Variants in NKAIN1 observed in about 807,000 individuals in gnomAD.
NKAIN1 encodes sodium/potassium-transporting ATPase subunit beta-1-interacting protein 1.
A neutral mutation model predicts 31.6 loss-of-function variants in NKAIN1; 13 were observed. The observed-to-expected ratio is 0.41, with a 90% CI of 0.27 to 0.65. NKAIN1 has a LOEUF of 0.65. Ranked by LOEUF, NKAIN1 falls within the 30% of genes least tolerant of loss-of-function variation. The probability of loss-of-function intolerance (pLI) is 0.30; values close to 1 mark genes in which losing one functional copy is unlikely to be tolerated. For synonymous variants in NKAIN1, 104 were observed against 109.0 expected (o/e 0.95, Z 0.28); for missense variants, 193 against 262.2 (o/e 0.74, Z 1.82).
intron 1 of NKAIN1, among the ~76,000 whole-genome samples, chr1:31,197,033 T>C (rs989216685): frequency 2.0e-5 from 3 of 151,988 alleles, no homozygotes; most frequent in African/African-American, 7.2e-5. Context: ...TTTAAAATTA[T>C]ATTTTTCTGC....
intron 1 of NKAIN1, among the ~76,000 whole-genome samples, chr1:31,221,796 C>T (rs1323557197): frequency 1.3e-5 from 2 of 152,180 alleles, no homozygotes; most frequent in South Asian, 2.1e-4. Context: ...TTGAGAAACA[C>T]AGCTTTAGAC....
At chr1:31,209,827 GA>G (rs374466999) in intron 1 of NKAIN1, among the ~76,000 whole-genome samples, 3 of 149,882 alleles carry the variant, frequency 2.0e-5, no homozygotes, top group Admixed American at 6.7e-5. Context: ...TAAAAAGAAA[GA>G]AAAAAAAAGT....
At chr1:31,196,546 G>T (rs1414107608) in intron 1 of NKAIN1, among the ~76,000 whole-genome samples, 1 of 148,176 alleles carries the variant, frequency 6.7e-6, no homozygotes, top group African/African-American at 2.5e-5. Context: ...AATTAGCCGG[G>T]CATGGTGGTG....
chr1:31,203,087 A>G (rs1340579748), intron 1 of NKAIN1, among the ~76,000 whole-genome samples: 1 of 151,562 alleles, frequency 6.6e-6, no homozygotes, highest in African/African-American at 2.4e-5. Context: ...AGCCTGGCCA[A>G]CATGGTGAAA....
chr1:31,198,984 A>C (rs868025032), intron 1 of NKAIN1, among the ~76,000 whole-genome samples: 4 of 152,216 alleles, frequency 2.6e-5, no homozygotes, highest in African/African-American at 7.2e-5. Context: ...CATTGAACCC[A>C]TCAGAAGTCT....
Position 31,183,960 on chromosome 1 carries a change from C to T in NKAIN1, c.328G>A (p.Glu110Lys). 6.2e-7 allele frequency: 1 copy of T among 1,614,092 alleles called. No homozygotes were observed. The highest frequency in any genetic ancestry group is 8.5e-7 in the Non-Finnish European group (1 of 1,180,018). Residue 110 changes from glutamate to lysine, a missense_variant, in exon 4 of 7, where the codon GAG becomes AAG. Transcript: ENST00000373736. ...NTSLHRSWWM[E>K]NGPGCLVTPV... Reference sequence around the variant, plus strand: ...GTCACCAGGCAGCCTGGCCCATTCTCCATCCACCAGGAGCGGTGCAGGGAT... The same window carrying T: ...GTCACCAGGCAGCCTGGCCCATTCTTCATCCACCAGGAGCGGTGCAGGGAT...
In NKAIN1 at chr1:31,181,638, G is replaced by C; in HGVS notation, c.*65C>G. On this transcript the variant is annotated 3_prime_UTR_variant, in exon 7 of 7. Transcript: ENST00000373736. The stretch of plus-strand genomic sequence containing the variant: ...CACCAGGGGGACACGCCTGCGCCTT[G>C]GCCCGAGCTCGCGGCAGCTGCGGTC... 7.0e-7 allele frequency: 1 copy of C among 1,419,166 alleles called. No homozygotes were observed. Among genetic ancestry groups the C allele is most frequent in the Non-Finnish European group, 9.3e-7 (1 of 1,077,546 alleles). 87.9% of individuals were successfully genotyped at this position (1,419,166 alleles called of 1,614,324 possible). A position where few individuals can be genotyped will look rare whatever the true frequency, so the allele number is the denominator to read the frequency against.
chr1:31,202,243 A>C (rs113992914), intron 1 of NKAIN1, among the ~76,000 whole-genome samples: 3,180 of 152,182 alleles, frequency 0.021, 47 homozygotes, highest in Non-Finnish European at 0.032. Flanking sequence ...GGCAGATCCA[A>C]CCCACTGCAC....
In NKAIN1 at chr1:31,239,388, G is replaced by T. The variant is rs984761253; in HGVS notation, c.54+106C>A. 12 of 803,742 alleles carry T rather than the reference G, an allele frequency of 1.5e-5. No homozygotes were observed. Among genetic ancestry groups the T allele is most frequent in the Non-Finnish European group, 1.9e-5 (11 of 581,026 alleles). 49.8% of individuals were successfully genotyped at this position (803,742 alleles called of 1,614,324 possible). A position where few individuals can be genotyped will look rare whatever the true frequency, so the allele number is the denominator to read the frequency against. On this transcript the variant is annotated intron_variant, in intron 1 of 6. Coordinates refer to ENST00000373736, the MANE Select transcript of NKAIN1 (RefSeq NM_024522.3). The surrounding 1 kb of genome is among the most constrained non-coding windows in gnomAD (Gnocchi z 4.8). ...CAGACCACCCCCCGCCCGGGCACAC[G>T]CACCAGACACACACACAGAGACACA...
chr1:31,231,772 C>T (rs1039490914), intron 1 of NKAIN1, among the ~76,000 whole-genome samples: 2 of 152,110 alleles, frequency 1.3e-5, no homozygotes, highest in African/African-American at 4.8e-5. Flanking sequence ...CCTTGTGATC[C>T]GCCCGCCTTG....
rs539286353 is a variant in NKAIN1, at chr1:31,191,329, C to G, written c.55-3142G>C. Among the ~76,000 whole-genome samples, 47 of 149,252 alleles carry G rather than the reference C, an allele frequency of 3.1e-4. No homozygotes were observed. The Middle Eastern group carries it at 0.011, about 34-fold the overall frequency. ...AAATCCACCTAAGAGGTGATATCATCTCCAGCCAAAGTGGTACCCACTCAA... is the reference window on the plus strand; with the variant it reads ...AAATCCACCTAAGAGGTGATATCATGTCCAGCCAAAGTGGTACCCACTCAA... On this transcript the variant is annotated intron_variant, in intron 1 of 6. Transcript: ENST00000373736.
chr1:31,186,227 T>C (rs1645241657), intron 2 of NKAIN1, among the ~76,000 whole-genome samples: 1 of 151,840 alleles, frequency 6.6e-6, no homozygotes, highest in South Asian at 2.1e-4. Context: ...CCAGGCATGA[T>C]GGCACATGCC....
intron 1 of NKAIN1, chr1:31,188,430 C>A (rs1425622416): frequency 1.3e-5 from 6 of 478,440 alleles, no homozygotes; most frequent in East Asian, 3.5e-5. Context: ...GCCAAGGAGG[C>A]CCTTCCCTCT....
intron 1 of NKAIN1, among the ~76,000 whole-genome samples, chr1:31,222,774 T>C (rs1645573956): frequency 6.6e-6 from 1 of 152,122 alleles, no homozygotes; most frequent in African/African-American, 2.4e-5. Context: ...TTCAAGGAGT[T>C]TGGAGTCCAA....
intron 4 of NKAIN1, among the ~76,000 whole-genome samples, chr1:31,182,872 G>T: frequency 6.6e-6 from 1 of 152,162 alleles, no homozygotes; most frequent in East Asian, 1.9e-4. Flanking sequence ...GAAGAAAGAG[G>T]ATTATGTGAC....
intron 1 of NKAIN1, among the ~76,000 whole-genome samples, chr1:31,205,222 C>T (rs2148356971): frequency 6.6e-6 from 1 of 152,158 alleles, no homozygotes; most frequent in South Asian, 2.1e-4. Context: ...CCTCTGTCTC[C>T]CGGGTTCACA....
intron 1 of NKAIN1, among the ~76,000 whole-genome samples, chr1:31,213,854 T>G (rs1422293102): frequency 6.6e-6 from 1 of 151,504 alleles, no homozygotes. Flanking sequence ...ATTAGCTGGG[T>G]GTAGTGGTGC....
At position 31,239,404 on chromosome 1, in the gene NKAIN1, C is replaced by A; in HGVS notation, c.54+90G>T. 1 of 1,021,582 alleles carries A rather than the reference C, an allele frequency of 9.8e-7. No individual in the cohort carries two copies. The highest frequency in any genetic ancestry group is 2.0e-5 in the South Asian group (1 of 49,660). 63.3% of individuals were successfully genotyped at this position (1,021,582 alleles called of 1,614,324 possible). Reference sequence around the variant, plus strand: ...CGGGCACACGCACCAGACACACACACAGAGACACACGCAACCCCACCCGCA... The same window carrying A: ...CGGGCACACGCACCAGACACACACAAAGAGACACACGCAACCCCACCCGCA... On this transcript the variant is annotated intron_variant, in intron 1 of 6. Transcript: ENST00000373736. This position sits in a 1 kb window ranked among gnomAD's most constrained non-coding sequence, Gnocchi z 4.8.
At chr1:31,231,554 G>A (rs560209471) in intron 1 of NKAIN1, among the ~76,000 whole-genome samples, 5 of 151,876 alleles carry the variant, frequency 3.3e-5, no homozygotes, top group South Asian at 2.1e-4. Context: ...TTTTTGAGAC[G>A]GAGTCTCGCT....
Sources: gnomAD v4.1 joint callset for allele counts (sites outside exome capture counted in the v4.1 genomes callset) on GRCh38, gnomAD v4.1.1 for gene constraint, Gnocchi (gnomAD v3.1) non-coding constraint, MANE v1.5 for transcripts, NCBI Gene and HGNC (gene_info 2026-07-23, HGNC 2026-07-21) for gene names.